GABRG3: variants seen among roughly 807,000 people sequenced by gnomAD.
The protein encoded by GABRG3 is gamma-aminobutyric acid receptor subunit gamma-3.
A neutral mutation model predicts 48.8 loss-of-function variants in GABRG3; 25 were observed. The ratio of observed to expected loss-of-function variants is 0.51; its 90% confidence interval spans 0.37 to 0.72. The LOEUF is 0.72. GABRG3 is among the 30% of genes least tolerant of loss of function. GABRG3 has a pLI of 0.00. For missense variants in GABRG3, 394 were observed against 577.9 expected (o/e 0.68, Z 3.26); for synonymous variants, 227 against 217.6 (o/e 1.04, Z -0.38).
chr15:27,480,590 T>C (rs761499095), intron 5 of GABRG3, 60 bp from the exon 6 acceptor site: 128 of 1,417,030 alleles, frequency 9.0e-5, no homozygotes, highest in Non-Finnish European at 1.2e-4. Flanking sequence ...ATTATAATTT[T>C]CACTTTAATG....
At chr15:27,398,459 G>A (rs972557545) in intron 5 of GABRG3, among the ~76,000 whole-genome samples, 1 of 152,076 alleles carries the variant, frequency 6.6e-6, no homozygotes, top group Non-Finnish European at 1.5e-5. Flanking sequence ...GTGTGTTTTT[G>A]TGTGTGCATG....
chr15:27,271,462 C>A, intron 3 of GABRG3: 1 of 440,560 alleles, frequency 2.3e-6, no homozygotes. Context: ...AGACCACGCC[C>A]TCGGAGCTCA....
At chr15:27,477,189 T>C (rs1297545748) in intron 5 of GABRG3, among the ~76,000 whole-genome samples, 1 of 152,220 alleles carries the variant, frequency 6.6e-6, no homozygotes, top group Non-Finnish European at 1.5e-5. Context: ...CAAGATGGCT[T>C]TCAGTAGGTG....
intron 3 of GABRG3, among the ~76,000 whole-genome samples, chr15:27,071,305 C>T (rs1485666620): frequency 6.6e-6 from 1 of 152,158 alleles, no homozygotes; most frequent in African/African-American, 2.4e-5. Flanking sequence ...CCACCCTACC[C>T]CCTTCTCCTC....
intron 5 of GABRG3, among the ~76,000 whole-genome samples, chr15:27,395,062 C>T (rs1291588032): frequency 6.6e-6 from 1 of 152,168 alleles, no homozygotes; most frequent in Non-Finnish European, 1.5e-5. Flanking sequence ...TTCCCCTCTG[C>T]CCTCTCCTTC....
At chr15:27,270,574 T>G (rs749000202) in intron 3 of GABRG3, among the ~76,000 whole-genome samples, 22 of 152,208 alleles carry the variant, frequency 1.4e-4, no homozygotes, top group Non-Finnish European at 2.6e-4. Context: ...ATCGTGGTTA[T>G]CAGAGGCTAG....
chr15:27,480,653 G>T lies in GABRG3; in HGVS notation c.578G>T (p.Gly193Val). 1 of 1,608,686 alleles carries T rather than the reference G, an allele frequency of 6.2e-7. No homozygotes were observed. Among genetic ancestry groups the T allele is most frequent in the Non-Finnish European group, 8.5e-7 (1 of 1,177,094 alleles). The change falls in exon 6 of 10, where the codon GGC becomes GTC. Residue 193 changes from glycine (G) to valine (V), a missense_variant. By Grantham distance (109) the Gly-to-Val change is moderately radical. Coordinates refer to ENST00000615808, the MANE Select transcript of GABRG3 (RefSeq NM_033223.5). Reference protein sequence around the residue: ...HSCPLIFSSYGYPKEEMIYRW... With the variant: ...HSCPLIFSSYVYPKEEMIYRW... Reference sequence around the variant, plus strand: ...AATGTTTGCTCTGTGTTTTTAGATGGCTATCCCAAAGAAGAAATGATTTAT... The same window carrying T: ...AATGTTTGCTCTGTGTTTTTAGATGTCTATCCCAAAGAAGAAATGATTTAT...
rs1331134452 is a variant in GABRG3, at chr15:27,534,575, C to T, written c.*1694C>T. The T allele has an allele frequency of 1.3e-5, 2 of 152,098 alleles. No homozygotes were observed. The highest frequency in any genetic ancestry group is 1.5e-5 in the Non-Finnish European group (1 of 68,036). 9.4% of individuals were successfully genotyped at this position (152,098 alleles called of 1,614,324 possible). On this transcript the variant is annotated 3_prime_UTR_variant, in exon 10 of 10. Transcript: ENST00000615808. Reference sequence around the variant, plus strand: ...AACTGAATTAATTTGACCTAGAAACCGTAATTTTTAAAATTATCTATTGTG... The same window carrying T: ...AACTGAATTAATTTGACCTAGAAACTGTAATTTTTAAAATTATCTATTGTG...
chr15:27,230,564 C>T (rs1454671), intron 3 of GABRG3, among the ~76,000 whole-genome samples: 27,809 of 151,910 alleles, frequency 0.18, 3,556 homozygotes, highest in East Asian at 0.41. Context: ...GAAGCATAGG[C>T]TTTTATAATT....
At chr15:27,458,886 C>T (rs1339875254) in intron 5 of GABRG3, among the ~76,000 whole-genome samples, 1 of 152,208 alleles carries the variant, frequency 6.6e-6, no homozygotes, top group African/African-American at 2.4e-5. Context: ...GTGGGTGCAG[C>T]TGGCCTCAGG....
intron 5 of GABRG3, among the ~76,000 whole-genome samples, chr15:27,434,043 T>C (rs919549294): frequency 6.6e-6 from 1 of 152,222 alleles, no homozygotes; most frequent in Non-Finnish European, 1.5e-5. Context: ...TCAGCGCTGC[T>C]ATGGAAAGGC....
intron 5 of GABRG3, chr15:27,364,692 G>A (rs1002771960): frequency 4.6e-5 from 7 of 152,154 alleles, no homozygotes; most frequent in Non-Finnish European, 8.8e-5. Context: ...CAGCTTTCCT[G>A]GAGTAGGGTT....
In GABRG3 at chr15:27,180,818, T is replaced by G. The variant is rs1595570036; in HGVS notation, c.271-145991T>G. ...CTCACATTTTGTCACTATCAGCATA[T>G]ATACCCCATGTAGCCACTGAAAAGG... On this transcript the variant is annotated intron_variant, in intron 3 of 9. Coordinates refer to ENST00000615808, the MANE Select transcript of GABRG3 (RefSeq NM_033223.5). The surrounding 1 kb of genome is among the most constrained non-coding windows in gnomAD (Gnocchi z 4.2). 6.6e-6 allele frequency among the ~76,000 whole-genome samples: 1 copy of G among 152,200 alleles called. No homozygotes were observed. Among genetic ancestry groups the G allele is most frequent in the Non-Finnish European group, 1.5e-5 (1 of 68,046 alleles).
At chr15:27,424,117 T>C (rs1321999362) in intron 5 of GABRG3, among the ~76,000 whole-genome samples, 4 of 152,122 alleles carry the variant, frequency 2.6e-5, no homozygotes, top group Non-Finnish European at 4.4e-5. Flanking sequence ...TGGAATGTCC[T>C]GCTTGATGAG....
intron 2 of GABRG3, among the ~76,000 whole-genome samples, chr15:27,004,801 A>G (rs186606746): frequency 2.5e-4 from 38 of 152,362 alleles, no homozygotes; most frequent in Middle Eastern, 3.4e-3. Context: ...CGACATTTGT[A>G]TTAGTTACAT....
chr15:27,000,633 TC>T (rs897356595), intron 2 of GABRG3, among the ~76,000 whole-genome samples: 2 of 151,944 alleles, frequency 1.3e-5, no homozygotes, highest in African/African-American at 4.8e-5. Context: ...GTGTATCGCC[TC>T]CCCCCACCAC....
chr15:27,255,696 C>G (rs1161408984), intron 3 of GABRG3, among the ~76,000 whole-genome samples: 3 of 152,162 alleles, frequency 2.0e-5, no homozygotes, highest in Admixed American at 1.3e-4. Context: ...ATGCATCCTC[C>G]CAGACCTTGG....
intron 5 of GABRG3, among the ~76,000 whole-genome samples, chr15:27,479,983 G>C (rs180816487): frequency 0.011 from 1,704 of 152,326 alleles, 41 homozygotes; most frequent in Non-Finnish European, 9.6e-3. Context: ...AGGGAGCCAG[G>C]GAGCCCTGGT....
rs1893011801 is a variant in GABRG3, at chr15:27,311,966, G to GA, written c.271-14836dup. On this transcript the variant is annotated intron_variant, in intron 3 of 9. Coordinates refer to ENST00000615808, the MANE Select transcript of GABRG3 (RefSeq NM_033223.5). The stretch of plus-strand genomic sequence containing the variant: ...AAACGGTAATATTTCCCATACAATG[G>GA]AAAAAAATAAATTTCCAAAAATTGA... 2.6e-5 allele frequency among the ~76,000 whole-genome samples: 4 copies of GA among 151,834 alleles called. No homozygotes were observed. The South Asian group carries it at 8.3e-4, about 32-fold the overall frequency.
Sources: allele counts gnomAD v4.1 joint callset (sites outside exome capture counted in the v4.1 genomes callset), GRCh38; gene constraint gnomAD v4.1.1; non-coding constraint Gnocchi (gnomAD v3.1); transcripts MANE v1.5; gene names NCBI Gene and HGNC (gene_info 2026-07-23, HGNC 2026-07-21).